The following GRIK4 variants were observed in gnomAD, a reference collection of about 807,000 sequenced individuals.
GRIK4 encodes glutamate ionotropic receptor kainate type subunit 4, also known as glutamate receptor ionotropic, kainate 4.
A neutral mutation model predicts 104.9 loss-of-function variants in GRIK4; 40 were observed. That is an observed-to-expected ratio of 0.38 (90% CI 0.30 to 0.50). The LOEUF is 0.50. Ranked by LOEUF, GRIK4 falls within the 20% of genes least tolerant of loss-of-function variation. GRIK4 has a pLI of 0.93. For synonymous variants in GRIK4, 485 were observed against 524.9 expected, an observed-to-expected ratio of 0.92 and a Z score of 1.04; for missense variants, 1,047 against 1,308.1, an observed-to-expected ratio of 0.80 and a Z score of 3.08.
At chr11:120,927,021 G>A (rs939326502) in intron 13 of GRIK4, among the ~76,000 whole-genome samples, 1 of 152,188 alleles carries the variant, frequency 6.6e-6, no homozygotes, top group Non-Finnish European at 1.5e-5. Context: ...CCATGGCCAG[G>A]GCAGAGCATA....
At chr11:120,795,361 G>A (rs1159517205) in intron 3 of GRIK4, among the ~76,000 whole-genome samples, 3 of 152,140 alleles carry the variant, frequency 2.0e-5, no homozygotes, top group Admixed American at 1.3e-4. Flanking sequence ...AGCCAGCCCC[G>A]GGGGACCCTG....
chr11:120,727,362 A>G (rs1951048630), intron 3 of GRIK4, among the ~76,000 whole-genome samples: 1 of 152,246 alleles, frequency 6.6e-6, no homozygotes, highest in South Asian at 2.1e-4. Flanking sequence ...AGGGGAACAG[A>G]ACCAGGAAAT....
At chr11:120,930,099 T>G (rs1212203992) in intron 13 of GRIK4, among the ~76,000 whole-genome samples, 1 of 152,068 alleles carries the variant, frequency 6.6e-6, no homozygotes, top group Non-Finnish European at 1.5e-5. Flanking sequence ...CTGCGAACAG[T>G]GCAGTAATAA....
At chr11:120,835,180 T>C (rs995819281) in intron 7 of GRIK4, among the ~76,000 whole-genome samples, 2 of 152,166 alleles carry the variant, frequency 1.3e-5, no homozygotes, top group Admixed American at 6.5e-5. Flanking sequence ...GGAACAACCA[T>C]GATAGAGTTA....
At chr11:120,957,591 A>ATGTGTGTGTGTG (rs72064502) in intron 16 of GRIK4, among the ~76,000 whole-genome samples, 4,341 of 136,474 alleles carry the variant, frequency 0.032, 146 homozygotes, top group African/African-American at 0.062. Flanking sequence ...GACAAAACAA[A>ATGTGTGTGTGTG]TGTGTGTGTG....
At chr11:120,882,258 G>A (rs924334504) in intron 11 of GRIK4, among the ~76,000 whole-genome samples, 3 of 152,234 alleles carry the variant, frequency 2.0e-5, no homozygotes, top group Non-Finnish European at 2.9e-5. Context: ...GGGGAAGGCA[G>A]CTCTGAGAGT....
intron 9 of GRIK4, chr11:120,871,574 A>C: frequency 2.2e-6 from 1 of 456,310 alleles, no homozygotes. Context: ...TTTGTTGCTT[A>C]GTCTTCGGGT....
At chr11:120,742,565 C>T (rs912417433) in intron 3 of GRIK4, among the ~76,000 whole-genome samples, 21 of 151,072 alleles carry the variant, frequency 1.4e-4, no homozygotes, top group African/African-American at 3.9e-4. Context: ...TCGCCCAGGC[C>T]GGACTGCAGT....
At chr11:120,795,244 A>G (rs1251970992) in intron 3 of GRIK4, among the ~76,000 whole-genome samples, 1 of 152,178 alleles carries the variant, frequency 6.6e-6, no homozygotes, top group Non-Finnish European at 1.5e-5. Context: ...GAACTGAGGG[A>G]TTAAGGAGGC....
At chr11:120,611,302 C>T (rs1949034870) in intron 1 of GRIK4, among the ~76,000 whole-genome samples, 1 of 152,160 alleles carries the variant, frequency 6.6e-6, no homozygotes, top group South Asian at 2.1e-4. Context: ...GTGGTTTCAT[C>T]TCTTCGGGCC....
In GRIK4 at chr11:120,903,776, A is replaced by G. The variant is rs983552411; in HGVS notation, c.1273-1514A>G. On this transcript the variant is annotated intron_variant, in intron 12 of 20. Coordinates refer to ENST00000527524, the MANE Select transcript of GRIK4 (RefSeq NM_014619.5). The surrounding 1 kb of genome is among the most constrained non-coding windows in gnomAD (Gnocchi z 4.4). ...TGCCGCCTTGCCTCCCTTAGCTCCTAACCTGTCAAAATGCTGAACAGCCCT... is the reference window on the plus strand; with the variant it reads ...TGCCGCCTTGCCTCCCTTAGCTCCTGACCTGTCAAAATGCTGAACAGCCCT... Among the ~76,000 whole-genome samples, 2 of 152,032 alleles carry G rather than the reference A, an allele frequency of 1.3e-5. No individual in the cohort carries two copies. The highest frequency in any genetic ancestry group is 1.5e-5 in the Non-Finnish European group (1 of 68,002).
intron 1 of GRIK4, among the ~76,000 whole-genome samples, chr11:120,595,830 CCT>C (rs1473608751): frequency 6.6e-6 from 1 of 152,090 alleles, no homozygotes; most frequent in African/African-American, 2.4e-5. Flanking sequence ...ACTGTAGGCC[CCT>C]GATTGCTTTT....
chr11:120,952,971 T>C lies in GRIK4; in HGVS notation c.1700+7T>C, dbSNP rs944788253. ...TCCTCTTCCTGGTGGCTCGGTACTC[T>C]CCTCTTCCCTTCCCTGTCCTTACAC... On this transcript the variant is annotated splice_region_variant and intron_variant, in intron 15 of 20. Transcript: ENST00000527524. The surrounding 1 kb of genome is among the most constrained non-coding windows in gnomAD (Gnocchi z 5.2). The C allele has an allele frequency of 8.9e-6, 14 of 1,566,314 alleles. No homozygotes were observed. In the African/African-American group the frequency reaches 1.8e-4, roughly 20 times the overall value.
intron 3 of GRIK4, among the ~76,000 whole-genome samples, chr11:120,751,940 C>T (rs143393640): frequency 6.6e-5 from 10 of 152,062 alleles, no homozygotes; most frequent in African/African-American, 1.2e-4. Flanking sequence ...CACCAGCTTG[C>T]GGCTGGGGGG....
chr11:120,948,757 A>T (rs1289815750), intron 14 of GRIK4, among the ~76,000 whole-genome samples: 1 of 152,228 alleles, frequency 6.6e-6, no homozygotes, highest in African/African-American at 2.4e-5. Flanking sequence ...CCGCCTTTGT[A>T]ACACACCATC....
chr11:120,925,358 T>C (rs908055640), intron 13 of GRIK4, among the ~76,000 whole-genome samples: 5 of 152,170 alleles, frequency 3.3e-5, no homozygotes, highest in African/African-American at 1.2e-4. Context: ...CGCCTGGGCT[T>C]GCCCAGGCCA....
chr11:120,666,361 A>G (rs112271451), intron 3 of GRIK4, among the ~76,000 whole-genome samples: 3,877 of 152,272 alleles, frequency 0.025, 154 homozygotes, highest in African/African-American at 0.086. Flanking sequence ...CAGCGTTGGG[A>G]CAGGGTCCTG....
rs549996487 is a variant in GRIK4 at position 120,898,625 on chromosome 11, G to A, written c.1258G>A (p.Val420Ile). ...CACTCTCTTCAACACCACCCTGGTC[G>A]TCACCACCATCCTGGTAAGTGGGCT... ...SDTLFNTTLVVTTILENPYLM... is the reference protein window; with the variant it reads ...SDTLFNTTLVITTILENPYLM... The change falls in exon 12 of 21, where the codon GTC (valine) becomes ATC (isoleucine). Residue 420 changes from valine (V) to isoleucine (I), a missense_variant. Val to Ile is a conservative substitution (Grantham distance 29, BLOSUM62 3). Around this residue, in one of 3 missense-constraint regions of GRIK4, gnomAD observed 440 missense variants for 652.3 expected, o/e 0.67. Coordinates refer to ENST00000527524, the MANE Select transcript of GRIK4 (RefSeq NM_014619.5). 1.7e-5 allele frequency: 27 copies of A among 1,601,630 alleles called. No homozygotes were observed. The highest frequency in any genetic ancestry group is 8.8e-5 in the South Asian group (8 of 90,816).
At chr11:120,916,923 C>G (rs1943116422) in intron 13 of GRIK4, among the ~76,000 whole-genome samples, 1 of 152,138 alleles carries the variant, frequency 6.6e-6, no homozygotes, top group Non-Finnish European at 1.5e-5. Context: ...CTTCCTTCAG[C>G]AGGTTTGCAT....
Sources: gnomAD v4.1 joint callset for allele counts (sites outside exome capture counted in the v4.1 genomes callset) on GRCh38, gnomAD v4.1.1 for gene constraint, gnomAD v4.1.1 regional missense constraint, Gnocchi (gnomAD v3.1) non-coding constraint, MANE v1.5 for transcripts, NCBI Gene and HGNC (gene_info 2026-07-23, HGNC 2026-07-21) for gene names.